KDR: variants seen among roughly 807,000 people sequenced by gnomAD.
KDR encodes the protein kinase insert domain receptor.
A neutral mutation model predicts 160.9 loss-of-function variants in KDR; 43 were observed. The ratio of observed to expected loss-of-function variants is 0.27; its 90% CI spans 0.21 to 0.34. KDR has a LOEUF of 0.34. KDR is among the 10% of genes least tolerant of loss of function. KDR has a pLI of 1.00. For missense variants in KDR, 1,469 were observed against 1,666.4 expected (o/e 0.88, Z 2.06); for synonymous variants, 617 against 600.1 (o/e 1.03, Z -0.41).
chr4:55,119,708 A>T (rs1023474541), intron 2 of KDR, among the ~76,000 whole-genome samples: 13 of 152,138 alleles, frequency 8.5e-5, no homozygotes, highest in Admixed American at 5.2e-4. Context: ...GAGTGAGCAA[A>T]GGGGAGTAAG....
intron 13 of KDR, among the ~76,000 whole-genome samples, chr4:55,104,046 A>G (rs1720376996): frequency 6.6e-6 from 1 of 152,192 alleles, no homozygotes; most frequent in Non-Finnish European, 1.5e-5. Flanking sequence ...GGGATGACCC[A>G]GAGGTACAGA....
intron 27 of KDR, 26 bp downstream of exon 27, chr4:55,087,580 CG>C (rs1237810106): frequency 1.9e-6 from 3 of 1,611,814 alleles, no homozygotes; most frequent in Non-Finnish European, 2.5e-6. Context: ...CACCCTCCCC[CG>C]GGGGATGTTA....
At chr4:55,082,165 A>T in intron 28 of KDR, 124 bp from the exon 29 acceptor site, 1 of 785,476 alleles carries the variant, frequency 1.3e-6, no homozygotes, top group South Asian at 1.4e-5. Context: ...AAGAACATAA[A>T]GGTATCATAG....
At chr4:55,101,870 T>A (rs1361666477) in intron 15 of KDR, 27 bp downstream of exon 15, 1 of 1,590,612 alleles carries the variant, frequency 6.3e-7, no homozygotes, top group Non-Finnish European at 8.6e-7. Flanking sequence ...GGTGTATATG[T>A]ACCACATTTT....
At chr4:55,110,813 G>A (rs779963291) in intron 7 of KDR, 45 bp from the exon 8 acceptor site, 1 of 1,456,450 alleles carries the variant, frequency 6.9e-7, no homozygotes, top group South Asian at 1.2e-5. Flanking sequence ...ACTGTAAATG[G>A]TCATTTGATT....
chr4:55,080,940 C>G (rs1719717721), intron 29 of KDR, among the ~76,000 whole-genome samples: 1 of 152,162 alleles, frequency 6.6e-6, no homozygotes, highest in South Asian at 2.1e-4. Flanking sequence ...ATTTTAGTAA[C>G]TCGTGTTTAT....
At chr4:55,090,150 C>A (rs2110012024) in intron 22 of KDR, 72 bp from the exon 23 acceptor site, 2 of 1,573,556 alleles carry the variant, frequency 1.3e-6, no homozygotes, top group Admixed American at 1.7e-5. Context: ...TGACCTCATG[C>A]ATCAAAAAAA....
rs769212771 is a variant in KDR at position 55,094,873 on chromosome 4, G to C, written c.2900C>G (p.Thr967Ser). The change falls in exon 21 of 30, where the codon ACC (threonine) becomes AGC (serine). Residue 967 changes from threonine to serine, a missense_variant. Thr to Ser is a moderately conservative substitution (Grantham distance 58). Transcript: ENST00000263923. ...AGAGCTGGCTGAGCTCTGGCTACTG[G>C]TGATGCTGTCCAAGCGCCGTTTCAG... is the stretch of plus-strand genomic sequence containing the variant. ...VDLKRRLDSI[T>S]SSQSSASSGF... The C allele has an allele frequency of 1.2e-6, 2 of 1,613,934 alleles. No homozygotes were observed. The highest frequency in any genetic ancestry group is 1.7e-6 in the Non-Finnish European group (2 of 1,179,868).
rs2110024087 is a variant in KDR, at chr4:55,105,949, G to A, written c.1537-9C>T. The A allele has an allele frequency of 6.3e-7, 1 of 1,575,684 alleles. No individual in the cohort carries two copies. The highest frequency in any genetic ancestry group is 8.7e-7 in the Non-Finnish European group (1 of 1,145,124). Reference sequence around the variant, plus strand: ...ACAAGGGTACTTACAGTCTGTGCGGGGAAAAAACAAATCCCAGGCCATAAA... The same window carrying A: ...ACAAGGGTACTTACAGTCTGTGCGGAGAAAAAACAAATCCCAGGCCATAAA... On this transcript the variant is annotated splice_polypyrimidine_tract_variant and intron_variant, in intron 11 of 29. Transcript: ENST00000263923.
At chr4:55,115,757 T>C (rs555657313) in intron 3 of KDR, among the ~76,000 whole-genome samples, 27 of 152,330 alleles carry the variant, frequency 1.8e-4, no homozygotes, top group Non-Finnish European at 2.9e-4. Flanking sequence ...TCATTATAAT[T>C]TTTTCAAAAT....
chr4:55,098,750 T>G lies in KDR; in HGVS notation c.2320A>C (p.Ile774Leu). The G allele has an allele frequency of 6.2e-7, 1 of 1,613,450 alleles. No individual in the cohort carries two copies. Among genetic ancestry groups the G allele is most frequent in the Non-Finnish European group, 8.5e-7 (1 of 1,179,554 alleles). Reference protein sequence around the residue: ...EIIILVGTAVIAMFFWLLLVI... With the variant: ...EIIILVGTAVLAMFFWLLLVI... ...AGAAGTAGCCAGAAGAACATGGCAA[T>G]CACCGCCGTGCCTACTAGAATAATG... Residue 774 changes from isoleucine (I) to leucine (L), a missense_variant, in exon 16 of 30, where the codon ATT (isoleucine) becomes CTT (leucine). Physicochemically the swap from Ile to Leu is conservative, Grantham distance 5 (BLOSUM62 2). This residue lies in a region of KDR where 118 missense variants were observed against 110.8 expected (regional missense o/e 1.06). Coordinates refer to ENST00000263923, the MANE Select transcript of KDR (RefSeq NM_002253.4).
chr4:55,101,139 C>T (rs1289816094), intron 15 of KDR, among the ~76,000 whole-genome samples: 4 of 152,080 alleles, frequency 2.6e-5, no homozygotes, highest in African/African-American at 4.8e-5. Context: ...GCATTGACTG[C>T]CATGATTAGG....
rs56302315 is a variant in KDR, at chr4:55,089,802, C to G, written c.3193G>C (p.Ala1065Pro). 6.2e-7 allele frequency: 1 copy of G among 1,613,560 alleles called. No homozygotes were observed. The highest frequency in any genetic ancestry group is 8.5e-7 in the Non-Finnish European group (1 of 1,179,554). Residue 1065 changes from alanine (A) to proline (P), a missense_variant and splice_region_variant, in exon 24 of 30, where the codon GCT becomes CCT. Around this residue, in one of 7 missense-constraint regions of KDR, gnomAD observed 132 missense variants for 195.9 expected, o/e 0.67. Transcript: ENST00000263923. ...KDPDYVRKGD[A>P]RLPLKWMAPE... ...GCCATCCATTTCAAAGGGAGGCGAG[C>G]CTACAGGGGTAGAAGACAAGGATTC...
At chr4:55,111,992 CT>C (rs1311454271) in intron 7 of KDR, among the ~76,000 whole-genome samples, 1 of 152,130 alleles carries the variant, frequency 6.6e-6, no homozygotes, top group Non-Finnish European at 1.5e-5. Flanking sequence ...TTGATGCATT[CT>C]CATAATATAA....
chr4:55,120,148 G>C (rs948751145), intron 2 of KDR, among the ~76,000 whole-genome samples: 5 of 152,168 alleles, frequency 3.3e-5, no homozygotes, highest in African/African-American at 1.2e-4. Context: ...TTGGTAAGGG[G>C]CTAGGGTATT....
In KDR at chr4:55,125,436, G is replaced by A; in HGVS notation, c.-143C>T. Reference sequence around the variant, plus strand: ...TTGAGCGCACAGGGCTAGGGAGCCCGGGCGCCGACCGCGGCTGCAGGGGCG... The same window carrying A: ...TTGAGCGCACAGGGCTAGGGAGCCCAGGCGCCGACCGCGGCTGCAGGGGCG... On this transcript the variant is annotated 5_prime_UTR_variant, in exon 1 of 30. Transcript: ENST00000263923. The A allele has an allele frequency of 3.8e-6, 4 of 1,056,862 alleles. No individual in the cohort carries two copies. The highest frequency in any genetic ancestry group is 4.2e-6 in the Non-Finnish European group (3 of 722,714). 65.5% of individuals were successfully genotyped at this position (1,056,862 alleles called of 1,614,324 possible).
chr4:55,079,755 C>T lies in KDR; in HGVS notation c.*186G>A. On this transcript the variant is annotated 3_prime_UTR_variant, in exon 30 of 30. Transcript: ENST00000263923. ...CACTGGGAGAAGACACAGACACATTCTTGGGTCACAAGCCTCTTCCAGGAT... is the reference window on the plus strand; with the variant it reads ...CACTGGGAGAAGACACAGACACATTTTTGGGTCACAAGCCTCTTCCAGGAT... 1 of 640,218 alleles carries T rather than the reference C, an allele frequency of 1.6e-6. No homozygotes were observed. Among genetic ancestry groups the T allele is most frequent in the Non-Finnish European group, 2.8e-6 (1 of 356,510 alleles). The allele number at this position is 640,218 out of a possible 1,614,324, so 39.7% of individuals were successfully genotyped here.
chr4:55,094,853 T>A lies in KDR; in HGVS notation c.2920A>T (p.Ser974Cys), dbSNP rs1048710278. ...GACTTCTCCTCCACAAATCCAGAGC[T>A]GGCTGAGCTCTGGCTACTGGTGATG... ...DSITSSQSSA[S>C]SGFVEEKSLS... is the part of the protein sequence containing the mutation. Residue 974 changes from serine to cysteine, a missense_variant, in exon 21 of 30, where the codon AGC (serine) becomes TGC (cysteine). Ser to Cys is a moderately radical substitution (Grantham distance 112, BLOSUM62 -1). This residue lies in a region of KDR where 151 missense variants were observed against 207.2 expected (regional missense o/e 0.73). Transcript: ENST00000263923. 2.5e-6 allele frequency: 4 copies of A among 1,613,918 alleles called. No homozygotes were observed. Among genetic ancestry groups the A allele is most frequent in the Non-Finnish European group, 2.5e-6 (3 of 1,179,924 alleles).
chr4:55,108,124 G>A (rs1720488980), intron 9 of KDR, among the ~76,000 whole-genome samples: 1 of 150,446 alleles, frequency 6.6e-6, no homozygotes, highest in Non-Finnish European at 1.5e-5. Context: ...ATTTTGGGAC[G>A]CCAAGGTAGG....
Sources: gnomAD v4.1 joint callset for allele counts (sites outside exome capture counted in the v4.1 genomes callset) on GRCh38, gnomAD v4.1.1 for gene constraint, gnomAD v4.1.1 regional missense constraint, MANE v1.5 for transcripts, NCBI Gene and HGNC (gene_info 2026-07-23, HGNC 2026-07-21) for gene names.